Variants in ENOX1 observed in about 807,000 individuals in gnomAD.
ENOX1 encodes candidate growth-related and time keeping constitutive hydroquinone (NADH) oxidase.
A neutral mutation model predicts 82.5 loss-of-function variants in ENOX1; 42 were observed. The observed-to-expected ratio is 0.51, with a 90% CI of 0.40 to 0.66. The LOEUF is 0.66. Ranked by LOEUF, ENOX1 falls within the 30% of genes least tolerant of loss-of-function variation. The pLI, the probability that ENOX1 is intolerant of heterozygous loss-of-function variation, is 0.00. For missense variants in ENOX1, 608 were observed against 811.6 expected, an observed-to-expected ratio of 0.75 and a Z score of 3.05; for synonymous variants, 271 against 282.2, an observed-to-expected ratio of 0.96 and a Z score of 0.40.
intron 5 of ENOX1, among the ~76,000 whole-genome samples, chr13:43,374,270 G>A (rs1314937423): frequency 7.0e-6 from 1 of 141,922 alleles, no homozygotes; most frequent in Non-Finnish European, 1.5e-5. Context: ...TTTGGAAACA[G>A]GGTCTCATTC....
chr13:43,456,138 A>G (rs1009836362), intron 3 of ENOX1, among the ~76,000 whole-genome samples: 1 of 152,056 alleles, frequency 6.6e-6, no homozygotes, highest in Non-Finnish European at 1.5e-5. Flanking sequence ...TATAGATATA[A>G]CAGTATCTCT....
intron 2 of ENOX1, among the ~76,000 whole-genome samples, chr13:43,565,002 C>T (rs76816877): frequency 0.017 from 2,549 of 152,242 alleles, 43 homozygotes; most frequent in Non-Finnish European, 0.027. Context: ...TCTCTACTCT[C>T]GTGAGGCTTC....
intron 5 of ENOX1, among the ~76,000 whole-genome samples, chr13:43,402,601 T>C (rs561289199): frequency 6.6e-6 from 1 of 152,196 alleles, no homozygotes; most frequent in African/African-American, 2.4e-5. Context: ...GAATGCAGTA[T>C]GTAACACACT....
chr13:43,214,161 T>C, intron 16 of ENOX1, 40 bp from the exon 17 acceptor site: 1 of 1,601,318 alleles, frequency 6.2e-7, no homozygotes, highest in Non-Finnish European at 8.5e-7. Flanking sequence ...GGAAAGGAAC[T>C]CATCTTAAAG....
At chr13:43,521,458 C>T (rs1447233631) in intron 2 of ENOX1, among the ~76,000 whole-genome samples, 5 of 152,038 alleles carry the variant, frequency 3.3e-5, no homozygotes, top group South Asian at 2.1e-4. Context: ...TGGGTATTCC[C>T]GCTCTCATCA....
chr13:43,585,361 C>A (rs1187975561), intron 2 of ENOX1, among the ~76,000 whole-genome samples: 1 of 152,162 alleles, frequency 6.6e-6, no homozygotes, highest in Non-Finnish European at 1.5e-5. Context: ...TTCTGACTTC[C>A]AGAATTGTAA....
At chr13:43,748,838 A>C (rs1950161153) in intron 1 of ENOX1, among the ~76,000 whole-genome samples, 1 of 152,214 alleles carries the variant, frequency 6.6e-6, no homozygotes, top group Non-Finnish European at 1.5e-5. Context: ...TGATTTCTTT[A>C]AAGTATTCTA....
intron 3 of ENOX1, among the ~76,000 whole-genome samples, chr13:43,450,415 G>A (rs1315031247): frequency 6.6e-6 from 1 of 152,154 alleles, no homozygotes; most frequent in Admixed American, 6.6e-5. Context: ...AGATCAGGAG[G>A]TGACTGTCAT....
chr13:43,313,406 T>G (rs1396778501), intron 11 of ENOX1, among the ~76,000 whole-genome samples: 1 of 152,258 alleles, frequency 6.6e-6, no homozygotes, highest in Non-Finnish European at 1.5e-5. Flanking sequence ...ACTATCATTA[T>G]CTGATACTAG....
In ENOX1 at chr13:43,326,445, T is replaced by C. The variant is rs972151633; in HGVS notation, c.1117A>G (p.Ile373Val). Residue 373 changes from isoleucine to valine, a missense_variant, in exon 10 of 17, where the codon ATA (isoleucine) becomes GTA (valine). Coordinates refer to ENST00000690772, the MANE Select transcript of ENOX1 (RefSeq NM_001347969.2). ...DHFSKAQRKNIDIWRKHSEEL... is the reference protein window; with the variant it reads ...DHFSKAQRKNVDIWRKHSEEL... The stretch of plus-strand genomic sequence containing the variant: ...TCAGAATGCTTTCGCCAAATGTCTA[T>C]GTTCTTGCGCTGGGCTTTCGAGAAA... 1.4e-5 allele frequency: 22 copies of C among 1,614,174 alleles called. No homozygotes were observed. Among genetic ancestry groups the C allele is most frequent in the South Asian group, 4.4e-5 (4 of 91,088 alleles).
intron 1 of ENOX1, among the ~76,000 whole-genome samples, chr13:43,709,599 G>C (rs758136050): frequency 2.6e-5 from 4 of 151,294 alleles, no homozygotes; most frequent in Non-Finnish European, 5.9e-5. Context: ...AAAGAAGGAA[G>C]AAGATGAGGA....
chr13:43,615,153 T>C (rs753604788), intron 2 of ENOX1, among the ~76,000 whole-genome samples: 1 of 152,212 alleles, frequency 6.6e-6, no homozygotes, highest in Non-Finnish European at 1.5e-5. Context: ...ATAAATCCAA[T>C]TACTATATGT....
At chr13:43,716,187 GT>G (rs991697325) in intron 1 of ENOX1, among the ~76,000 whole-genome samples, 2 of 152,118 alleles carry the variant, frequency 1.3e-5, no homozygotes, top group Non-Finnish European at 2.9e-5. Context: ...CATCTTTGTG[GT>G]TTTATCTACT....
intron 1 of ENOX1, among the ~76,000 whole-genome samples, chr13:43,721,542 C>T (rs1051013721): frequency 1.4e-5 from 2 of 148,000 alleles, no homozygotes; most frequent in Middle Eastern, 3.4e-3. Context: ...CTACGCCCGG[C>T]TAATTTTTTG....
chr13:43,742,716 G>C (rs1322993349), intron 1 of ENOX1, among the ~76,000 whole-genome samples: 1 of 152,200 alleles, frequency 6.6e-6, no homozygotes, highest in African/African-American at 2.4e-5. Flanking sequence ...TCAACCAAGA[G>C]AGTAGCACTG....
chr13:43,514,010 A>G (rs1400185685), intron 2 of ENOX1, among the ~76,000 whole-genome samples: 2 of 152,152 alleles, frequency 1.3e-5, no homozygotes. Flanking sequence ...ACATATTTGC[A>G]TGTGCATTTA....
chr13:43,568,457 G>T (rs916054229), intron 2 of ENOX1, among the ~76,000 whole-genome samples: 1 of 152,178 alleles, frequency 6.6e-6, no homozygotes, highest in Admixed American at 6.5e-5. Flanking sequence ...GTCATTAAGT[G>T]TGAGAAAATA....
chr13:43,250,703 T>C (rs1029869575), intron 14 of ENOX1, among the ~76,000 whole-genome samples: 3 of 152,224 alleles, frequency 2.0e-5, no homozygotes, highest in Non-Finnish European at 4.4e-5. Context: ...ACAATAAGGG[T>C]ACATTTTGTG....
intron 1 of ENOX1, among the ~76,000 whole-genome samples, chr13:43,696,856 G>A (rs2086666056): frequency 6.6e-6 from 1 of 150,814 alleles, no homozygotes; most frequent in Non-Finnish European, 1.5e-5. Flanking sequence ...AGAGAAGATG[G>A]TTTTGGAACA....
Sources: gnomAD v4.1 joint callset for allele counts (sites outside exome capture counted in the v4.1 genomes callset) on GRCh38, gnomAD v4.1.1 for gene constraint, MANE v1.5 for transcripts, NCBI Gene and HGNC (gene_info 2026-07-23, HGNC 2026-07-21) for gene names.